CFAP54: variants seen among roughly 807,000 people sequenced by gnomAD.
CFAP54 encodes cilia and flagella associated protein 54.
In CFAP54, 290 loss-of-function variants were observed where a neutral mutation model predicts 370.4. That is an observed-to-expected ratio of 0.78 (90% confidence interval 0.71 to 0.86). The LOEUF is 0.86. Among genes scored for constraint, CFAP54 ranks in the 40% least tolerant of loss-of-function variants. The probability of loss-of-function intolerance (pLI) is 0.00; values close to 1 mark genes in which losing one functional copy is unlikely to be tolerated. For missense variants in CFAP54, 3,399 were observed against 3,528.7 expected, an observed-to-expected ratio of 0.96 and a Z score of 0.93; for synonymous variants, 1,206 against 1,236.5, an observed-to-expected ratio of 0.98 and a Z score of 0.52.
rs1353374290 is a variant in CFAP54, at chr12:96,826,661, T to TATATAAATATATAATATATAATATATTAC, written c.9097-2348_9097-2320dup. 1.9e-4 allele frequency among the ~76,000 whole-genome samples: 20 copies of TATATAAATATATAATATATAATATATTAC among 107,800 alleles called. No individual in the cohort carries two copies. In the East Asian group the frequency reaches 2.3e-3, roughly 12 times the overall value. The allele number at this position is 107,800 out of a possible 152,430, so 70.7% of individuals were successfully genotyped here. On this transcript the variant is annotated intron_variant, in intron 65 of 67. Coordinates refer to ENST00000524981, the MANE Select transcript of CFAP54 (RefSeq NM_001306084.2). ...AATATAGTATATATTAAATATATTA[T>TATATAAATATATAATATATAATATATTAC]ATATAAATATATAATATATAATATA...
At chr12:96,691,357 C>A in intron 44 of CFAP54, 47 bp downstream of exon 44, 1 of 1,348,778 alleles carries the variant, frequency 7.4e-7, no homozygotes, top group Non-Finnish European at 1.0e-6. Flanking sequence ...GGATATTTTG[C>A]TCCACTTACC....
rs1206136984 is a variant in CFAP54 at position 96,849,611 on chromosome 12, A to G, written c.9172-11208A>G. Among the ~76,000 whole-genome samples the G allele has an allele frequency of 2.6e-5, 4 of 152,262 alleles. No individual in the cohort carries two copies. The South Asian group carries it at 6.2e-4, about 24-fold the overall frequency. On this transcript the variant is annotated intron_variant, in intron 66 of 67. Coordinates refer to ENST00000524981, the MANE Select transcript of CFAP54 (RefSeq NM_001306084.2). ...AAGCACAAGTAATAAAATCTTTATTATGATAGAATGTAGTAATCATGCAGA... is the reference window on the plus strand; with the variant it reads ...AAGCACAAGTAATAAAATCTTTATTGTGATAGAATGTAGTAATCATGCAGA...
intron 39 of CFAP54, among the ~76,000 whole-genome samples, chr12:96,664,820 T>C (rs1196251128): frequency 7.3e-6 from 1 of 137,502 alleles, no homozygotes; most frequent in Non-Finnish European, 1.6e-5. Context: ...TATAGATATA[T>C]ATATGTATAT....
chr12:96,600,717 A>G (rs1956230566), intron 26 of CFAP54, among the ~76,000 whole-genome samples: 1 of 152,058 alleles, frequency 6.6e-6, no homozygotes, highest in Non-Finnish European at 1.5e-5. Flanking sequence ...TTCTCTTTGT[A>G]GCATTTGTGA....
At chr12:96,739,711 G>C (rs1958027849) in intron 50 of CFAP54, among the ~76,000 whole-genome samples, 1 of 151,958 alleles carries the variant, frequency 6.6e-6, no homozygotes, top group South Asian at 2.1e-4. Flanking sequence ...TATGGTAGAT[G>C]CTCAATTTCA....
intron 1 of CFAP54, among the ~76,000 whole-genome samples, chr12:96,496,350 C>T (rs1260526075): frequency 1.3e-5 from 2 of 152,198 alleles, no homozygotes; most frequent in Admixed American, 6.5e-5. Context: ...CTCAGGCTGC[C>T]ATAACAAAAT....
chr12:96,767,759 A>G (rs1958414981), intron 60 of CFAP54, among the ~76,000 whole-genome samples: 2 of 152,142 alleles, frequency 1.3e-5, no homozygotes, highest in Non-Finnish European at 2.9e-5. Context: ...ACAACAACAA[A>G]TAAAACTTGT....
chr12:96,768,728 A>G (rs1386503304), intron 60 of CFAP54, among the ~76,000 whole-genome samples: 4 of 152,210 alleles, frequency 2.6e-5, no homozygotes, highest in East Asian at 1.9e-4. Flanking sequence ...GAAGCAGAGC[A>G]TAATAATGAA....
intron 32 of CFAP54, among the ~76,000 whole-genome samples, chr12:96,637,863 A>T (rs2136483542): frequency 6.6e-6 from 1 of 152,280 alleles, no homozygotes; most frequent in East Asian, 1.9e-4. Context: ...TTATCACCAT[A>T]CCTTTTCCAT....
chr12:96,491,060 T>C (rs1954878400), intron 1 of CFAP54, among the ~76,000 whole-genome samples: 1 of 152,056 alleles, frequency 6.6e-6, no homozygotes, highest in Admixed American at 6.6e-5. Flanking sequence ...AACCTTGAAC[T>C]TGGGGGCTCA....
rs1958035213 is a variant in CFAP54 at position 96,740,165 on chromosome 12, G to GA, written c.7071+110dup. The GA allele has an allele frequency of 4.6e-6, 3 of 658,288 alleles. No individual in the cohort carries two copies. The Admixed American group carries it at 9.4e-5, about 21-fold the overall frequency. The allele number at this position is 658,288 out of a possible 1,614,324, so 40.8% of individuals were successfully genotyped here. On this transcript the variant is annotated intron_variant, in intron 51 of 67. Coordinates refer to ENST00000524981, the MANE Select transcript of CFAP54 (RefSeq NM_001306084.2). ...TTAGATGAAGCAAAGGAGTAAAGTA[G>GA]AAAAAACATTGAATTTGGAGTAAAA...
intron 22 of CFAP54, among the ~76,000 whole-genome samples, chr12:96,582,972 G>T (rs573149589): frequency 6.6e-6 from 1 of 152,146 alleles, no homozygotes; most frequent in Non-Finnish European, 1.5e-5. Flanking sequence ...TTTCATGAGA[G>T]TGGTTAGTTT....
In CFAP54 at chr12:96,764,604, G is replaced by A. The variant is rs540816668; in HGVS notation, c.8139+355G>A. On this transcript the variant is annotated intron_variant, in intron 59 of 67. Coordinates refer to ENST00000524981, the MANE Select transcript of CFAP54 (RefSeq NM_001306084.2). ...CCACTGCACTCCAGGCTGGGGAACAGAGTGAGATCCTGTCTCAAAAGAAAA... is the reference window on the plus strand; with the variant it reads ...CCACTGCACTCCAGGCTGGGGAACAAAGTGAGATCCTGTCTCAAAAGAAAA... 2.1e-4 allele frequency among the ~76,000 whole-genome samples: 32 copies of A among 152,210 alleles called. 1 individual carries two copies. Among genetic ancestry groups the A allele is most frequent in the African/African-American group, 7.2e-4 (30 of 41,502 alleles).
At chr12:96,664,287 T>C (rs1433793168) in intron 39 of CFAP54, among the ~76,000 whole-genome samples, 1 of 152,088 alleles carries the variant, frequency 6.6e-6, no homozygotes, top group Non-Finnish European at 1.5e-5. Flanking sequence ...CTCCATCCTC[T>C]TCACCCTCTG....
intron 58 of CFAP54, among the ~76,000 whole-genome samples, chr12:96,757,826 A>G (rs994070): frequency 0.36 from 55,031 of 151,954 alleles, 10,859 homozygotes; most frequent in East Asian, 0.58. Flanking sequence ...TGTTATCCAT[A>G]AAATGTAACT....
chr12:96,625,691 T>C lies in CFAP54; in HGVS notation c.3887-27T>C, dbSNP rs1462734268. The C allele has an allele frequency of 3.4e-6, 5 of 1,468,362 alleles. No individual in the cohort carries two copies. The Middle Eastern group carries it at 5.1e-4, about 150-fold the overall frequency. 91.0% of individuals were successfully genotyped at this position (1,468,362 alleles called of 1,614,324 possible). On this transcript the variant is annotated intron_variant, in intron 28 of 67. Transcript: ENST00000524981. The stretch of plus-strand genomic sequence containing the variant: ...GTATTTTGCGTTACTAAACAGAACA[T>C]ACAACTTTTGAATTTTTTAACCTTA...
At chr12:96,590,756 T>G (rs1956116219) in intron 23 of CFAP54, among the ~76,000 whole-genome samples, 1 of 152,140 alleles carries the variant, frequency 6.6e-6, no homozygotes. Flanking sequence ...GTCTGTGACA[T>G]TTACTAAGGG....
At chr12:96,810,268 G>A (rs1296267964) in intron 63 of CFAP54, among the ~76,000 whole-genome samples, 1 of 152,042 alleles carries the variant, frequency 6.6e-6, no homozygotes, top group Admixed American at 6.6e-5. Context: ...AGTCAGCTTT[G>A]TTCTTCCAGG....
At chr12:96,815,042 T>G (rs1198099607) in intron 64 of CFAP54, among the ~76,000 whole-genome samples, 1 of 152,224 alleles carries the variant, frequency 6.6e-6, no homozygotes, top group African/African-American at 2.4e-5. Flanking sequence ...TATAGTAGAA[T>G]GAGTTATGAT....
Sources: gnomAD v4.1 joint callset for allele counts (sites outside exome capture counted in the v4.1 genomes callset) on GRCh38, gnomAD v4.1.1 for gene constraint, MANE v1.5 for transcripts, NCBI Gene and HGNC (gene_info 2026-07-23, HGNC 2026-07-21) for gene names.